YLPM1: variants seen among roughly 807,000 people sequenced by gnomAD.
The protein encoded by YLPM1 is YLP motif containing 1.
A neutral mutation model predicts 230.0 loss-of-function variants in YLPM1; 99 were observed. The observed-to-expected ratio is 0.43, with a 90% CI of 0.37 to 0.51. YLPM1 has a LOEUF of 0.51. Ranked by LOEUF, YLPM1 falls within the 20% of genes least tolerant of loss-of-function variation. The probability of loss-of-function intolerance (pLI) is 0.00; values close to 1 mark genes in which losing one functional copy is unlikely to be tolerated. For synonymous variants in YLPM1, 984 were observed against 942.5 expected, an observed-to-expected ratio of 1.04 and a Z score of -0.81; for missense variants, 2,592 against 2,707.7, an observed-to-expected ratio of 0.96 and a Z score of 0.95.
Position 74,797,981 on chromosome 14 carries a change from C to A in YLPM1, c.2684C>A (p.Ala895Glu). Residue 895 changes from alanine to glutamate, a missense_variant, in exon 5 of 21, where the codon GCG (alanine) becomes GAG (glutamate). By Grantham distance (107) the Ala-to-Glu change is moderately radical. Coordinates refer to ENST00000325680, the MANE Select transcript of YLPM1 (RefSeq NM_019589.3). Reference sequence around the variant, plus strand: ...GCTGCAGATGTAAAGGATGTCAAGGCGGCTCAGTCAAATGAGAATCTAAGC... The same window carrying A: ...GCTGCAGATGTAAAGGATGTCAAGGAGGCTCAGTCAAATGAGAATCTAAGC... ...SIAADVKDVK[A>E]AQSNENLSDS... The A allele has an allele frequency of 6.2e-7, 1 of 1,612,872 alleles. No homozygotes were observed. The highest frequency in any genetic ancestry group is 8.5e-7 in the Non-Finnish European group (1 of 1,179,302).
rs186967202 is a variant in YLPM1, at chr14:74,775,096, T to C, written c.874-3351T>C. ...TGGGAGCTGATGATTATATGTATAA[T>C]AGTTAAAAACAAAAAATCCAGTCAT... On this transcript the variant is annotated intron_variant, in intron 1 of 20. Coordinates refer to ENST00000325680, the MANE Select transcript of YLPM1 (RefSeq NM_019589.3). 3.0e-4 allele frequency among the ~76,000 whole-genome samples: 46 copies of C among 152,308 alleles called. No individual in the cohort carries two copies. In the East Asian group the frequency reaches 8.3e-3, roughly 27 times the overall value.
At chr14:74,800,988 G>A (rs2091319043) in intron 5 of YLPM1, among the ~76,000 whole-genome samples, 1 of 152,066 alleles carries the variant, frequency 6.6e-6, no homozygotes, top group South Asian at 2.1e-4. Flanking sequence ...TGGCAAACCC[G>A]GCCTTTGAAC....
intron 8 of YLPM1, 94 bp from the exon 9 acceptor site, chr14:74,810,131 A>T: frequency 6.7e-7 from 1 of 1,495,964 alleles, no homozygotes; most frequent in Non-Finnish European, 9.0e-7. Context: ...AATTTATGGC[A>T]AAAATTTATA....
At chr14:74,773,157 G>A (rs2090996186) in intron 1 of YLPM1, among the ~76,000 whole-genome samples, 2 of 152,136 alleles carry the variant, frequency 1.3e-5, no homozygotes, top group Admixed American at 1.3e-4. Context: ...GCGTGGTGGC[G>A]GGCGCCTGTA....
Position 74,780,543 on chromosome 14 carries a change from C to A in YLPM1, c.1249C>A (p.Gln417Lys). 6.2e-7 allele frequency: 1 copy of A among 1,613,916 alleles called. No individual in the cohort carries two copies. Among genetic ancestry groups the A allele is most frequent in the Non-Finnish European group, 8.5e-7 (1 of 1,179,856 alleles). The part of the protein sequence containing the change: ...QKHTQLQQIL[Q>K]QYQQIIQPPP... The stretch of plus-strand genomic sequence containing the variant: ...GCACACTCAGTTACAGCAGATTCTA[C>A]AACAGTATCAGCAGATTATACAGCC... The change falls in exon 3 of 21, where the codon CAA becomes AAA. Residue 417 changes from glutamine to lysine, a missense_variant. Gln to Lys is a moderately conservative substitution (Grantham distance 53, BLOSUM62 1). Around this residue, in one of 4 missense-constraint regions of YLPM1, gnomAD observed 1,862 missense variants for 1,819.8 expected, o/e 1.02. Transcript: ENST00000325680.
chr14:74,802,466 G>A lies in YLPM1; in HGVS notation c.4401-90G>A, dbSNP rs545937831. ...GAATTTTAGGACAAGGATTTTTTAG[G>A]TCTCCTTTTTTTAATTAAATATTAA... On this transcript the variant is annotated intron_variant, in intron 5 of 20. Transcript: ENST00000325680. 8.3e-6 allele frequency: 12 copies of A among 1,437,368 alleles called. No individual in the cohort carries two copies. In the African/African-American group the frequency reaches 1.6e-4, roughly 19 times the overall value. The allele number at this position is 1,437,368 out of a possible 1,614,324, so 89.0% of individuals were successfully genotyped here. A position where few individuals can be genotyped will look rare whatever the true frequency, so the allele number is the denominator to read the frequency against.
chr14:74,797,702 C>A lies in YLPM1; in HGVS notation c.2405C>A (p.Ala802Glu). 1 of 1,613,412 alleles carries A rather than the reference C, an allele frequency of 6.2e-7. No homozygotes were observed. Among genetic ancestry groups the A allele is most frequent in the South Asian group, 1.1e-5 (1 of 91,036 alleles). The change falls in exon 5 of 21, where the codon GCA becomes GAA. Residue 802 changes from alanine (A) to glutamate (E), a missense_variant. By Grantham distance (107) the Ala-to-Glu change is moderately radical. Transcript: ENST00000325680. ...GPRPRYEGHP[A>E]EGTKSKWGMI... Reference sequence around the variant, plus strand: ...AGACCCAGATATGAAGGTCACCCAGCAGAGGGCACTAAAAGCAAGTGGGGA... The same window carrying A: ...AGACCCAGATATGAAGGTCACCCAGAAGAGGGCACTAAAAGCAAGTGGGGA...
intron 1 of YLPM1, among the ~76,000 whole-genome samples, chr14:74,772,734 C>G (rs1411212017): frequency 1.3e-5 from 2 of 152,138 alleles, no homozygotes; most frequent in Non-Finnish European, 2.9e-5. Flanking sequence ...TGATTTCCCT[C>G]TACCTATAAA....
At position 74,798,535 on chromosome 14, in the gene YLPM1, G is replaced by T; in HGVS notation, c.3238G>T (p.Asp1080Tyr). The T allele has an allele frequency of 6.2e-7, 1 of 1,613,984 alleles. No individual in the cohort carries two copies. Among genetic ancestry groups the T allele is most frequent in the Non-Finnish European group, 8.5e-7 (1 of 1,179,880 alleles). Reference protein sequence around the residue: ...EKMNRGEGSRDRGLVRPGSSR... With the variant: ...EKMNRGEGSRYRGLVRPGSSR... The stretch of plus-strand genomic sequence containing the variant: ...GATGAACAGAGGAGAAGGTAGCCGG[G>T]ACAGAGGGTTGGTGAGGCCTGGAAG... Residue 1080 changes from aspartate to tyrosine, a missense_variant, in exon 5 of 21, where the codon GAC becomes TAC. Coordinates refer to ENST00000325680, the MANE Select transcript of YLPM1 (RefSeq NM_019589.3).
intron 11 of YLPM1, 33 bp from the exon 12 acceptor site, chr14:74,816,170 A>ATTT: frequency 3.6e-6 from 5 of 1,401,066 alleles, no homozygotes; most frequent in East Asian, 2.5e-5. Flanking sequence ...TCTCTCAGTG[A>ATTT]TTTTTTTTTT....
chr14:74,796,209 T>G (rs1349099689), intron 4 of YLPM1, among the ~76,000 whole-genome samples: 1 of 152,154 alleles, frequency 6.6e-6, no homozygotes. Context: ...TTCTGGAGAG[T>G]GATCCTCGCT....
At position 74,798,164 on chromosome 14, in the gene YLPM1, C is replaced by A; in HGVS notation, c.2867C>A (p.Ser956Tyr). 21 of 1,613,984 alleles carry A rather than the reference C, an allele frequency of 1.3e-5. No homozygotes were observed. Among genetic ancestry groups the A allele is most frequent in the Non-Finnish European group, 1.8e-5 (21 of 1,179,884 alleles). The change falls in exon 5 of 21, where the codon TCT becomes TAT. Residue 956 changes from serine (S) to tyrosine (Y), a missense_variant. By Grantham distance (144) the Ser-to-Tyr change is moderately radical. Coordinates refer to ENST00000325680, the MANE Select transcript of YLPM1 (RefSeq NM_019589.3). ...GCGAATAAGCCTGTACCTGCTCAAT[C>A]TACTTTTCCTTCAAAAACAGGGGGG... ...PLANKPVPAQ[S>Y]TFPSKTGGME...
Position 74,798,892 on chromosome 14 carries a change from C to T in YLPM1, c.3595C>T (p.Arg1199Ter), listed in dbSNP as rs1247515272. The T allele has an allele frequency of 1.9e-6, 3 of 1,613,674 alleles. No homozygotes were observed. Among genetic ancestry groups the T allele is most frequent in the Non-Finnish European group, 2.5e-6 (3 of 1,179,822 alleles). ...GGCTCCATGGAACCATGGAGAAGAGCGAGGGCATGAAGAGTTTCCATTAGA... is the reference window on the plus strand; with the variant it reads ...GGCTCCATGGAACCATGGAGAAGAGTGAGGGCATGAAGAGTTTCCATTAGA... ...PRAPWNHGEE[R>*]GHEEFPLDGR... Residue 1199 changes from arginine to a stop codon, truncating the protein, a stop_gained, in exon 5 of 21, where the codon CGA (arginine) becomes TGA (stop). Transcript: ENST00000325680. LOFTEE classifies it high-confidence loss of function.
At chr14:74,794,532 C>A (rs114375862) in intron 4 of YLPM1, among the ~76,000 whole-genome samples, 1,548 of 152,234 alleles carry the variant, frequency 0.01, 28 homozygotes, top group African/African-American at 0.035. Context: ...GATTTTCACA[C>A]CTAACATGAG....
chr14:74,770,779 G>A (rs1424695315), intron 1 of YLPM1, among the ~76,000 whole-genome samples: 2 of 152,222 alleles, frequency 1.3e-5, no homozygotes. Flanking sequence ...GCAGTTGGAA[G>A]CCATTGAAGG....
intron 6 of YLPM1, among the ~76,000 whole-genome samples, chr14:74,805,362 C>CT (rs201160788): frequency 0.014 from 2,172 of 150,588 alleles, 20 homozygotes; most frequent in Middle Eastern, 0.034. Context: ...TGTTTTGTCT[C>CT]TTTTTTTTTG....
At chr14:74,806,513 A>G (rs1454644125) in intron 6 of YLPM1, among the ~76,000 whole-genome samples, 1 of 152,062 alleles carries the variant, frequency 6.6e-6, no homozygotes, top group Non-Finnish European at 1.5e-5. Flanking sequence ...AATTGCTTGA[A>G]CCTGAGAGGT....
At chr14:74,818,883 T>C (rs2091499517) in intron 16 of YLPM1, among the ~76,000 whole-genome samples, 1 of 148,740 alleles carries the variant, frequency 6.7e-6, no homozygotes, top group African/African-American at 2.4e-5. Flanking sequence ...AGGCCTGTTT[T>C]GTAGAATGCC....
At chr14:74,801,387 T>C (rs757732701) in intron 5 of YLPM1, among the ~76,000 whole-genome samples, 1 of 152,240 alleles carries the variant, frequency 6.6e-6, no homozygotes, top group Non-Finnish European at 1.5e-5. Context: ...TTGGGTCACT[T>C]TAATGTAAGG....
Sources: allele counts gnomAD v4.1 joint callset (sites outside exome capture counted in the v4.1 genomes callset), GRCh38; gene constraint gnomAD v4.1.1; regional missense constraint gnomAD v4.1.1; transcripts MANE v1.5; gene names NCBI Gene and HGNC (gene_info 2026-07-23, HGNC 2026-07-21).